Variants in CDH18 observed in about 807,000 individuals in gnomAD.
CDH18 encodes cadherin-18.
In CDH18, 31 loss-of-function variants were observed where a neutral mutation model predicts 67.9. That is an observed-to-expected ratio of 0.46 (90% CI 0.34 to 0.62). The LOEUF (loss-of-function observed/expected upper bound fraction) is 0.62. Ranked by LOEUF, CDH18 falls within the 20% of genes least tolerant of loss-of-function variation. The probability of loss-of-function intolerance (pLI) is 0.01; values close to 1 mark genes in which losing one functional copy is unlikely to be tolerated. For missense variants in CDH18, 890 were observed against 975.5 expected (o/e 0.91, Z 1.17); for synonymous variants, 362 against 347.2 (o/e 1.04, Z -0.48).
intron 2 of CDH18, among the ~76,000 whole-genome samples, chr5:19,931,249 C>T (rs1243090632): frequency 6.6e-6 from 1 of 151,904 alleles, no homozygotes; most frequent in Non-Finnish European, 1.5e-5. Flanking sequence ...TATGTCTCCT[C>T]AATCTAATCT....
intron 1 of CDH18, among the ~76,000 whole-genome samples, chr5:20,407,371 C>T (rs140523762): frequency 6.5e-4 from 99 of 151,958 alleles, no homozygotes; most frequent in Non-Finnish European, 1.0e-3. Context: ...TAGGGTAGCA[C>T]AAAGGTTTTA....
At chr5:19,746,298 T>A (rs1189937085) in intron 4 of CDH18, among the ~76,000 whole-genome samples, 2 of 152,206 alleles carry the variant, frequency 1.3e-5, no homozygotes, top group Non-Finnish European at 2.9e-5. Flanking sequence ...CAGCTAAACC[T>A]GGAAAAATGC....
intron 2 of CDH18, among the ~76,000 whole-genome samples, chr5:20,231,072 C>T (rs1313078589): frequency 6.6e-6 from 1 of 152,190 alleles, no homozygotes; most frequent in African/African-American, 2.4e-5. Context: ...TGATAGTAAG[C>T]TCCATTCATT....
rs760777430 is a variant in CDH18, at chr5:19,994,855, T to TATATATATAGAGAGAGAG, written c.-517-2842_-517-2841insCTCTCTCTCTATATATAT. 4.4e-4 allele frequency among the ~76,000 whole-genome samples: 30 copies of TATATATATAGAGAGAGAG among 67,586 alleles called. 5 individuals are homozygous for TATATATATAGAGAGAGAG. The highest frequency in any genetic ancestry group is 2.1e-3 in the African/African-American group (28 of 13,586). 44.3% of individuals were successfully genotyped at this position (67,586 alleles called of 152,430 possible). On this transcript the variant is annotated intron_variant, in intron 2 of 14. Coordinates refer to the CDH18 transcript ENST00000507958. ...ATATATATATATATATATATATATA[T>TATATATATAGAGAGAGAG]AGAGAGAGAGAGAGAGAGAGAGATG...
chr5:20,475,512 T>G (rs892316463), intron 1 of CDH18, among the ~76,000 whole-genome samples: 1 of 152,196 alleles, frequency 6.6e-6, no homozygotes, highest in African/African-American at 2.4e-5. Context: ...GCTTTATTTG[T>G]GCTATTATAA....
rs116270192 is a variant in CDH18 at position 20,254,739 on chromosome 5, T to C, written c.-518+705A>G. 4.8e-3 allele frequency among the ~76,000 whole-genome samples: 730 copies of C among 152,268 alleles called. 7 individuals are homozygous for C. Among genetic ancestry groups the C allele is most frequent in the African/African-American group, 0.017 (692 of 41,544 alleles). ...CTCAACGAACTTAAAACAGCTACCA[T>C]TCAATCCAGCAATTGCACTACTGTG... On this transcript the variant is annotated intron_variant, in intron 2 of 14. Transcript: ENST00000507958.
intron 1 of CDH18, among the ~76,000 whole-genome samples, chr5:20,402,428 A>C (rs1745851245): frequency 6.6e-6 from 1 of 152,220 alleles, no homozygotes; most frequent in Non-Finnish European, 1.5e-5. Flanking sequence ...TGAGAGAATA[A>C]GAATCATTTT....
intron 1 of CDH18, among the ~76,000 whole-genome samples, chr5:20,279,725 A>AAAAAAAAAAAAAAAAAAAAAAAC (rs59764100): frequency 3.1e-5 from 4 of 128,788 alleles, no homozygotes; most frequent in African/African-American, 1.0e-4. Flanking sequence ...AAAAAAAAAA[A>AAAAAAAAAAAAAAAAAAAAAAAC]AAAGCAAAAA....
intron 2 of CDH18, among the ~76,000 whole-genome samples, chr5:19,929,227 A>G (rs1379762373): frequency 6.6e-6 from 1 of 152,068 alleles, no homozygotes; most frequent in Non-Finnish European, 1.5e-5. Flanking sequence ...TCCTCTCCTC[A>G]GTATTAGACA....
chr5:20,315,975 A>G (rs1005755296), intron 1 of CDH18, among the ~76,000 whole-genome samples: 21 of 152,122 alleles, frequency 1.4e-4, no homozygotes, highest in African/African-American at 2.9e-4. Flanking sequence ...TAGGGTCTCA[A>G]TGAATACTTG....
intron 2 of CDH18, among the ~76,000 whole-genome samples, chr5:20,095,859 T>TA (rs140424708): frequency 0.022 from 3,253 of 150,800 alleles, 117 homozygotes; most frequent in African/African-American, 0.072. Flanking sequence ...AAATCTAGAA[T>TA]AAAAAATAAA....
chr5:20,392,766 A>G (rs944058094), intron 1 of CDH18, among the ~76,000 whole-genome samples: 1 of 151,920 alleles, frequency 6.6e-6, no homozygotes, highest in African/African-American at 2.4e-5. Flanking sequence ...TACAATGATG[A>G]CATATTTACT....
chr5:20,415,268 G>A (rs1018244341), intron 1 of CDH18, among the ~76,000 whole-genome samples: 3 of 151,548 alleles, frequency 2.0e-5, no homozygotes, highest in Non-Finnish European at 4.4e-5. Context: ...GTGCCTGGAA[G>A]CCCAGCTACT....
At chr5:20,499,524 T>A (rs1207115405) in intron 1 of CDH18, among the ~76,000 whole-genome samples, 1 of 152,072 alleles carries the variant, frequency 6.6e-6, no homozygotes, top group Admixed American at 6.6e-5. Flanking sequence ...TTCCAACTAA[T>A]CCAAAATTAT....
chr5:19,794,668 T>C (rs759597504), intron 3 of CDH18, among the ~76,000 whole-genome samples: 3 of 152,150 alleles, frequency 2.0e-5, no homozygotes, highest in South Asian at 2.1e-4. Flanking sequence ...TAATAGCATA[T>C]GTAAGTACCA....
intron 2 of CDH18, among the ~76,000 whole-genome samples, chr5:20,188,308 A>C (rs766300737): frequency 2.1e-4 from 32 of 152,008 alleles, no homozygotes; most frequent in Non-Finnish European, 3.7e-4. Flanking sequence ...AAATCCAATC[A>C]GCCAAATAAA....
intron 8 of CDH18, among the ~76,000 whole-genome samples, chr5:19,563,755 C>T (rs1295221341): frequency 6.6e-6 from 1 of 152,152 alleles, no homozygotes; most frequent in Non-Finnish European, 1.5e-5. Flanking sequence ...TTCATAAGGA[C>T]TAAAAATCAG....
rs1420614936 is a variant in CDH18 at position 20,251,783 on chromosome 5, A to G, written c.-518+3661T>C. ...CCAAAAGGAAAGATCCGTATTTCAA[A>G]TTAATGTTCAAAAATAATAATGAGC... On this transcript the variant is annotated intron_variant, in intron 2 of 14. Coordinates refer to the CDH18 transcript ENST00000507958. Among the ~76,000 whole-genome samples, 3 of 152,208 alleles carry G rather than the reference A, an allele frequency of 2.0e-5. No homozygotes were observed. In the East Asian group the frequency reaches 5.8e-4, roughly 29 times the overall value.
intron 1 of CDH18, among the ~76,000 whole-genome samples, chr5:20,269,608 A>G (rs560426378): frequency 1.1e-4 from 16 of 152,202 alleles, no homozygotes; most frequent in East Asian, 5.8e-4. Context: ...CCTAAGTGAA[A>G]CAAGCCAGGA....
Sources: allele counts gnomAD v4.1 joint callset (sites outside exome capture counted in the v4.1 genomes callset), GRCh38; gene constraint gnomAD v4.1.1; transcripts MANE v1.5; gene names NCBI Gene and HGNC (gene_info 2026-07-23, HGNC 2026-07-21).